The following AUTS2 variants were observed in gnomAD, a reference collection of about 807,000 sequenced individuals.
AUTS2 encodes activator of transcription and developmental regulator AUTS2.
AUTS2 carries 17 observed loss-of-function variants against 112.4 expected under a neutral mutation model. The observed-to-expected ratio is 0.15, with a 90% CI of 0.10 to 0.23. The LOEUF (loss-of-function observed/expected upper bound fraction) is 0.23, where lower values mean the gene tolerates loss of function less well. AUTS2 is among the 10% of genes least tolerant of loss of function. The pLI, the probability that AUTS2 is intolerant of heterozygous loss-of-function variation, is 1.00. For synonymous variants in AUTS2, 751 were observed against 702.7 expected, an observed-to-expected ratio of 1.07 and a Z score of -1.09; for missense variants, 1,510 against 1,701.6, an observed-to-expected ratio of 0.89 and a Z score of 1.98.
chr7:70,571,383 T>G (rs552079773), intron 5 of AUTS2, among the ~76,000 whole-genome samples: 1 of 152,280 alleles, frequency 6.6e-6, no homozygotes, highest in African/African-American at 2.4e-5. Flanking sequence ...AGGAACTTGA[T>G]AGATGTTAAT....
At chr7:70,140,709 G>C (rs1181339846) in intron 4 of AUTS2, among the ~76,000 whole-genome samples, 1 of 152,018 alleles carries the variant, frequency 6.6e-6, no homozygotes, top group African/African-American at 2.4e-5. Context: ...TTAACACTAG[G>C]TAAATTAATT....
Position 70,766,289 on chromosome 7 carries a change from C to A in AUTS2, c.1644C>A (p.His548Gln). The A allele has an allele frequency of 1.2e-6, 2 of 1,614,094 alleles. No individual in the cohort carries two copies. The highest frequency in any genetic ancestry group is 1.7e-6 in the Non-Finnish European group (2 of 1,179,998). ...THQHTFTPFP[H>Q]AIPPTAIMPT... ...AGCACACCTTCACGCCGTTCCCCCA[C>A]GCCATCCCACCCACCGCCATCATGC... The change falls in exon 9 of 19, where the codon CAC becomes CAA. Residue 548 changes from histidine to glutamine, a missense_variant. By Grantham distance (24) the His-to-Gln change is conservative (BLOSUM62 0). Coordinates refer to ENST00000342771, the MANE Select transcript of AUTS2 (RefSeq NM_015570.4). The surrounding 1 kb of genome is among the most constrained non-coding windows in gnomAD (Gnocchi z 4.8).
rs1340079928 is a variant in AUTS2, at chr7:70,090,020, A to ATAAATAAT, written c.523-28105_523-28104insTTAAATAA. On this transcript the variant is annotated intron_variant, in intron 2 of 18. Transcript: ENST00000342771. ...AGACTGTTTCAAAACAAATAAATAAATAAATAAATAAATAAATAAATAAAT... is the reference window on the plus strand; with the variant it reads ...AGACTGTTTCAAAACAAATAAATAAATAAATAATTAAATAAATAAATAAATAAATAAAT... 1.8e-3 allele frequency among the ~76,000 whole-genome samples: 275 copies of ATAAATAAT among 149,154 alleles called. 2 individuals carry two copies. The highest frequency in any genetic ancestry group is 2.8e-3 in the Non-Finnish European group (187 of 66,992).
At chr7:70,342,213 C>T (rs989273589) in intron 4 of AUTS2, among the ~76,000 whole-genome samples, 2 of 152,148 alleles carry the variant, frequency 1.3e-5, no homozygotes, top group Admixed American at 6.5e-5. Context: ...AGTGCCCATC[C>T]ATCACTTCAC....
chr7:69,950,167 C>T (rs1312963290), intron 2 of AUTS2, among the ~76,000 whole-genome samples: 1 of 152,044 alleles, frequency 6.6e-6, no homozygotes, highest in African/African-American at 2.4e-5. Flanking sequence ...CAAAATAAAA[C>T]TGTTAGCTAT....
chr7:70,288,861 T>C (rs1788583010), intron 4 of AUTS2, among the ~76,000 whole-genome samples: 1 of 152,128 alleles, frequency 6.6e-6, no homozygotes, highest in South Asian at 2.1e-4. Context: ...AGTAAATTAA[T>C]AGGGCAATTG....
At chr7:70,490,162 A>T (rs536205961) in intron 5 of AUTS2, among the ~76,000 whole-genome samples, 1 of 152,244 alleles carries the variant, frequency 6.6e-6, no homozygotes, top group Admixed American at 6.5e-5. Flanking sequence ...GAAGGAAGGA[A>T]ATAATAAAGA....
intron 5 of AUTS2, among the ~76,000 whole-genome samples, chr7:70,502,065 TTCC>T (rs1049963236): frequency 2.0e-5 from 3 of 152,184 alleles, no homozygotes; most frequent in African/African-American, 7.2e-5. Flanking sequence ...AGTCAAGCTG[TTCC>T]TGAGATGTGT....
chr7:69,825,534 T>C lies in AUTS2; in HGVS notation c.310-73752T>C, dbSNP rs141452549. On this transcript the variant is annotated intron_variant, in intron 1 of 18. Coordinates refer to ENST00000342771, the MANE Select transcript of AUTS2 (RefSeq NM_015570.4). ...AGTGCTGATTTTGACAATGGAGCCA[T>C]GCGGTTGTATTTGGGTAGCGGTTTG... 4.6e-3 allele frequency among the ~76,000 whole-genome samples: 698 copies of C among 152,286 alleles called. 3 individuals carry two copies. Among genetic ancestry groups the C allele is most frequent in the Non-Finnish European group, 8.1e-3 (554 of 68,024 alleles).
intron 5 of AUTS2, among the ~76,000 whole-genome samples, chr7:70,644,791 A>T (rs767906872): frequency 1.3e-5 from 2 of 152,178 alleles, no homozygotes; most frequent in Non-Finnish European, 2.9e-5. Flanking sequence ...GAAGTGCTGC[A>T]TAACCCTTGT....
chr7:70,272,557 T>C (rs988538949), intron 4 of AUTS2, among the ~76,000 whole-genome samples: 3 of 152,172 alleles, frequency 2.0e-5, no homozygotes, highest in African/African-American at 7.2e-5. Flanking sequence ...CTGTTTAGTC[T>C]CTTAGACTTT....
intron 6 of AUTS2, among the ~76,000 whole-genome samples, chr7:70,715,506 TTTTTTC>T (rs1307286456): frequency 1.2e-4 from 13 of 111,652 alleles, no homozygotes; most frequent in East Asian, 3.2e-4. Flanking sequence ...CTGCCTGTCT[TTTTTTC>T]TTTTCTTTTC....
At position 70,698,892 on chromosome 7, in the gene AUTS2, T is replaced by C. The variant is rs989571173; in HGVS notation, c.742+272T>C. Reference sequence around the variant, plus strand: ...GTGACTTTAATATAGAAAGCTGTACTCGAGAAGAATAGTTCTCAAAATGCC... The same window carrying C: ...GTGACTTTAATATAGAAAGCTGTACCCGAGAAGAATAGTTCTCAAAATGCC... On this transcript the variant is annotated intron_variant, in intron 6 of 18. Transcript: ENST00000342771. The C allele has an allele frequency of 9.9e-6, 3 of 301,976 alleles. No homozygotes were observed. The Admixed American group carries it at 1.5e-4, about 15-fold the overall frequency. The allele number at this position is 301,976 out of a possible 1,614,324, so 18.7% of individuals were successfully genotyped here.
chr7:70,759,833 C>G (rs1368933207), intron 6 of AUTS2, among the ~76,000 whole-genome samples: 1 of 152,106 alleles, frequency 6.6e-6, no homozygotes, highest in Non-Finnish European at 1.5e-5. Flanking sequence ...CCTTATGTGT[C>G]TCTGATGTGC....
chr7:69,711,869 T>G (rs1335881554), intron 1 of AUTS2, among the ~76,000 whole-genome samples: 1 of 152,170 alleles, frequency 6.6e-6, no homozygotes, highest in East Asian at 1.9e-4. Context: ...ATTTTACAGT[T>G]AAAATACAAC....
intron 5 of AUTS2, among the ~76,000 whole-genome samples, chr7:70,581,909 A>G (rs1425544817): frequency 6.6e-6 from 1 of 152,016 alleles, no homozygotes; most frequent in Admixed American, 6.5e-5. Context: ...ATTTTTCATC[A>G]TTTAGTCAAA....
rs941117944 is a variant in AUTS2 at position 70,462,259 on chromosome 7, C to A, written c.690+26478C>A. 5.9e-5 allele frequency among the ~76,000 whole-genome samples: 9 copies of A among 151,820 alleles called. 1 individual carries two copies. Among genetic ancestry groups the A allele is most frequent in the Non-Finnish European group, 1.5e-5 (1 of 67,954 alleles). On this transcript the variant is annotated intron_variant, in intron 5 of 18. Coordinates refer to ENST00000342771, the MANE Select transcript of AUTS2 (RefSeq NM_015570.4). ...AGAGCAAGACTCCGTGTCGAAAAAA[C>A]AAAAACAAAATAAAAATAATAAAAT... is the stretch of plus-strand genomic sequence containing the variant.
chr7:69,641,399 G>T (rs1794792043), intron 1 of AUTS2, among the ~76,000 whole-genome samples: 1 of 150,224 alleles, frequency 6.7e-6, no homozygotes, highest in African/African-American at 2.5e-5. Flanking sequence ...TATATTGCCT[G>T]CAGAGCCTTG....
intron 5 of AUTS2, among the ~76,000 whole-genome samples, chr7:70,570,164 G>A (rs1274639858): frequency 6.6e-6 from 1 of 152,196 alleles, no homozygotes; most frequent in Non-Finnish European, 1.5e-5. Context: ...ATGACAGTAG[G>A]TTAGGCAGGT....
Sources: allele counts gnomAD v4.1 joint callset (sites outside exome capture counted in the v4.1 genomes callset), GRCh38; gene constraint gnomAD v4.1.1; non-coding constraint Gnocchi (gnomAD v3.1); transcripts MANE v1.5; gene names NCBI Gene and HGNC (gene_info 2026-07-23, HGNC 2026-07-21).